Variants in CELF2 observed in about 807,000 individuals in gnomAD.
CELF2 encodes the protein CUGBP Elav-like family member 2.
Under a neutral mutation model 62.6 loss-of-function variants are expected in CELF2, and 8 were observed. The ratio of observed to expected loss-of-function variants is 0.13; its 90% CI spans 0.07 to 0.23. CELF2 has a LOEUF of 0.23. CELF2 is among the 10% of genes least tolerant of loss of function. The probability of loss-of-function intolerance (pLI) is 1.00; values close to 1 mark genes in which losing one functional copy is unlikely to be tolerated. For missense variants in CELF2, 333 were observed against 671.0 expected (o/e 0.50, Z 5.56); for synonymous variants, 258 against 250.0 (o/e 1.03, Z -0.30).
chr10:11,205,461 C>T (rs1589020644), intron 2 of CELF2, among the ~76,000 whole-genome samples: 1 of 152,218 alleles, frequency 6.6e-6, no homozygotes, highest in East Asian at 1.9e-4. Context: ...CTCTTATTTA[C>T]ATGCCAGGAA....
Position 11,025,399 on chromosome 10 carries a change from G to C in CELF2, c.74+7236G>C, listed in dbSNP as rs190933717. ...AATTGAATTATAGGGACAGTTTCTC[G>C]TGTGCTGTCCTCGTGGTAGCGAGTT... On this transcript the variant is annotated intron_variant, in intron 1 of 12. Transcript: ENST00000633077. Among the ~76,000 whole-genome samples the C allele has an allele frequency of 1.6e-4, 25 of 152,144 alleles. No homozygotes were observed. In the South Asian group the frequency reaches 1.9e-3, roughly 11 times the overall value.
chr10:10,472,689 C>T, the CELF2 span, among the ~76,000 whole-genome samples: 2 of 151,902 alleles, frequency 1.3e-5, no homozygotes, highest in East Asian at 1.9e-4. Flanking sequence ...ATTCTGTAAT[C>T]GTCTGAGAAT....
the CELF2 span, among the ~76,000 whole-genome samples, chr10:10,543,304 C>T: frequency 3.9e-5 from 6 of 152,132 alleles, no homozygotes; most frequent in Non-Finnish European, 5.9e-5. Context: ...TCCATTTCTC[C>T]GTCTAAGCTA....
the CELF2 span, among the ~76,000 whole-genome samples, chr10:10,671,178 A>G: frequency 6.7e-6 from 1 of 150,112 alleles, no homozygotes; most frequent in African/African-American, 2.5e-5. Context: ...AAAAAAAAAA[A>G]AAAAAGAGAA....
chr10:10,472,717 A>C, the CELF2 span, among the ~76,000 whole-genome samples: 3 of 151,904 alleles, frequency 2.0e-5, no homozygotes, highest in African/African-American at 7.2e-5. Context: ...CTGTTATTAC[A>C]GTATTTAATT....
intron 1 of CELF2, among the ~76,000 whole-genome samples, chr10:10,912,398 T>C (rs1215779567): frequency 1.3e-5 from 2 of 152,236 alleles, no homozygotes; most frequent in Non-Finnish European, 2.9e-5. Flanking sequence ...GACTTACTTT[T>C]TTTTTTGAGA....
the CELF2 span, among the ~76,000 whole-genome samples, chr10:10,773,545 AGACT>A: frequency 6.6e-6 from 1 of 152,230 alleles, no homozygotes; most frequent in Non-Finnish European, 1.5e-5. Flanking sequence ...AAAAAATATA[AGACT>A]GACTATTTGA....
chr10:11,264,425 G>C (rs2081589768), intron 5 of CELF2, among the ~76,000 whole-genome samples: 1 of 152,204 alleles, frequency 6.6e-6, no homozygotes, highest in African/African-American at 2.4e-5. Context: ...GATAATAAGA[G>C]CAAATGAAGT....
chr10:10,916,703 C>T (rs1451769644), intron 1 of CELF2, among the ~76,000 whole-genome samples: 1 of 152,218 alleles, frequency 6.6e-6, no homozygotes, highest in African/African-American at 2.4e-5. Flanking sequence ...ACCTCTGCCT[C>T]CCAGGTTCAA....
intron 1 of CELF2, among the ~76,000 whole-genome samples, chr10:10,893,752 C>T (rs563921188): frequency 1.2e-4 from 19 of 152,136 alleles, no homozygotes; most frequent in South Asian, 2.1e-4. Flanking sequence ...AAGAGACGGA[C>T]GAGGGAGGTG....
intron 1 of CELF2, among the ~76,000 whole-genome samples, chr10:10,854,849 C>A (rs2132926484): frequency 6.6e-6 from 1 of 152,062 alleles, no homozygotes; most frequent in East Asian, 1.9e-4. Context: ...AACCCCCTAG[C>A]TGATTGAGTC....
intron 1 of CELF2, among the ~76,000 whole-genome samples, chr10:10,852,838 T>G (rs953270134): frequency 1.3e-5 from 2 of 152,240 alleles, no homozygotes; most frequent in African/African-American, 4.8e-5. Flanking sequence ...AAGATGCCCT[T>G]TTTAATTTTC....
At chr10:10,924,754 G>T (rs2065298016) in intron 2 of CELF2, among the ~76,000 whole-genome samples, 1 of 75,348 alleles carries the variant, frequency 1.3e-5, no homozygotes. Flanking sequence ...CCTTCTGTGA[G>T]AGGGTTAGGA....
intron 1 of CELF2, among the ~76,000 whole-genome samples, chr10:11,065,012 C>T (rs2067710708): frequency 6.6e-6 from 1 of 152,232 alleles, no homozygotes; most frequent in African/African-American, 2.4e-5. Context: ...TAATGCACAT[C>T]TCTATCAGTG....
At chr10:11,322,084 T>G (rs997910475) in intron 11 of CELF2, among the ~76,000 whole-genome samples, 2 of 152,220 alleles carry the variant, frequency 1.3e-5, no homozygotes, top group Admixed American at 6.5e-5. Context: ...CTTTTCCCCT[T>G]ACACAGAAAC....
rs1360180718 is a variant in CELF2, at chr10:11,297,307, C to G, written c.976+8755C>G. Among the ~76,000 whole-genome samples the G allele has an allele frequency of 6.6e-6, 1 of 152,184 alleles. No individual in the cohort carries two copies. Among genetic ancestry groups the G allele is most frequent in the Non-Finnish European group, 1.5e-5 (1 of 68,032 alleles). On this transcript the variant is annotated intron_variant, in intron 9 of 12. Coordinates refer to ENST00000633077, the MANE Select transcript of CELF2 (RefSeq NM_001326342.2). This position sits in a 1 kb window ranked among gnomAD's most constrained non-coding sequence, Gnocchi z 4.4. ...CCATCAGGCTGACCAGAGCCGGGAG[C>G]TGCAGAGTGGATTGAGACTGACCTG...
intron 2 of CELF2, among the ~76,000 whole-genome samples, chr10:11,173,370 G>C (rs2069658946): frequency 1.3e-5 from 2 of 152,174 alleles, no homozygotes; most frequent in Admixed American, 6.5e-5. Flanking sequence ...AGAGACCCCA[G>C]ATAATCAGGC....
the CELF2 span, among the ~76,000 whole-genome samples, chr10:10,742,211 T>G: frequency 6.9e-6 from 1 of 145,190 alleles, no homozygotes; most frequent in Non-Finnish European, 1.5e-5. Flanking sequence ...GAGAAAAAAA[T>G]TTTGGTTTTG....
At chr10:10,508,660 ATGTGTGTGTGTGTGTGTG>A in the CELF2 span, among the ~76,000 whole-genome samples, 12 of 140,798 alleles carry the variant, frequency 8.5e-5, no homozygotes, top group Admixed American at 4.2e-4. Flanking sequence ...TCTTAAACAG[ATGTGTGTGTGTGTGTGTG>A]TGTGTGTGTG....
Sources: allele counts gnomAD v4.1 joint callset (sites outside exome capture counted in the v4.1 genomes callset), GRCh38; gene constraint gnomAD v4.1.1; non-coding constraint Gnocchi (gnomAD v3.1); transcripts MANE v1.5; gene names NCBI Gene and HGNC (gene_info 2026-07-23, HGNC 2026-07-21).